NFASC: variants seen among roughly 807,000 people sequenced by gnomAD.
NFASC encodes neurofascin.
Under a neutral mutation model 147.5 loss-of-function variants are expected in NFASC, and 43 were observed. That is an observed-to-expected ratio of 0.29 (90% CI 0.23 to 0.38). NFASC has a LOEUF of 0.38. Ranked by LOEUF, NFASC falls within the 10% of genes least tolerant of loss-of-function variation. The probability of loss-of-function intolerance (pLI) is 1.00; values close to 1 mark genes in which losing one functional copy is unlikely to be tolerated. For synonymous variants in NFASC, 622 were observed against 665.5 expected (o/e 0.93, Z 1.01); for missense variants, 1,320 against 1,689.0 (o/e 0.78, Z 3.83).
intron 1 of NFASC, among the ~76,000 whole-genome samples, chr1:204,873,426 C>T (rs78017377): frequency 0.024 from 3,654 of 152,296 alleles, 69 homozygotes; most frequent in Non-Finnish European, 0.038. Context: ...GAGAATCCCC[C>T]AGGCTTAGAG....
intron 1 of NFASC, among the ~76,000 whole-genome samples, chr1:204,914,256 A>G (rs957948002): frequency 6.6e-6 from 1 of 152,180 alleles, no homozygotes; most frequent in Admixed American, 6.5e-5. Context: ...CTCATCTTGA[A>G]TTGTAGTTCC....
chr1:204,887,629 T>C (rs79237018), intron 1 of NFASC, among the ~76,000 whole-genome samples: 20,539 of 140,690 alleles, frequency 0.15, 2,631 homozygotes, highest in East Asian at 0.67. Flanking sequence ...GACAGGGTCT[T>C]ACTCTGTTGC....
chr1:204,952,545 T>G (rs2094184345), intron 5 of NFASC, among the ~76,000 whole-genome samples: 1 of 152,244 alleles, frequency 6.6e-6, no homozygotes, highest in African/African-American at 2.4e-5. Context: ...GTTGTGTGTG[T>G]GTCCGGGCTC....
At chr1:204,948,226 G>A (rs1362115559) in intron 3 of NFASC, among the ~76,000 whole-genome samples, 1 of 152,272 alleles carries the variant, frequency 6.6e-6, no homozygotes, top group Non-Finnish European at 1.5e-5. Flanking sequence ...CTCCATAGAA[G>A]GCGAGTGGTG....
chr1:204,894,000 G>T (rs2082913758), intron 1 of NFASC, among the ~76,000 whole-genome samples: 1 of 152,154 alleles, frequency 6.6e-6, no homozygotes, highest in African/African-American at 2.4e-5. Flanking sequence ...CAGATTTGGG[G>T]CAGGACTTCA....
chr1:204,858,101 G>A (rs938413931), intron 1 of NFASC, among the ~76,000 whole-genome samples: 6 of 151,246 alleles, frequency 4.0e-5, no homozygotes, highest in African/African-American at 1.5e-4. Flanking sequence ...TGTATTTTTA[G>A]TAGAGATGGG....
At position 204,911,075 on chromosome 1, in the gene NFASC, T is replaced by C. The variant is rs183418358; in HGVS notation, c.-199-9557T>C. ...AGTATAATGTTATCTGTCTATTTTC[T>C]AAACGTTTTTTAAAAAATCACACTG... On this transcript the variant is annotated intron_variant, in intron 1 of 29. Coordinates refer to ENST00000339876, the MANE Select transcript of NFASC (RefSeq NM_001005388.3). Among the ~76,000 whole-genome samples the C allele has an allele frequency of 9.5e-4, 144 of 152,346 alleles. 1 individual carries two copies. The highest frequency in any genetic ancestry group is 2.5e-3 in the African/African-American group (106 of 41,584).
intron 8 of NFASC, among the ~76,000 whole-genome samples, chr1:204,961,949 G>A (rs12740109): frequency 0.18 from 28,055 of 151,964 alleles, 2,956 homozygotes; most frequent in Non-Finnish European, 0.24. Flanking sequence ...TTCACTGAGC[G>A]TATTGCCTTT....
chr1:204,979,170 A>G lies in NFASC; in HGVS notation c.1978+101A>G. On this transcript the variant is annotated intron_variant, in intron 18 of 29. Transcript: ENST00000339876. This position sits in a 1 kb window ranked among gnomAD's most constrained non-coding sequence, Gnocchi z 6.0. The stretch of plus-strand genomic sequence containing the variant: ...TCCAGCCCCACTTCTGCCTCGCTTG[A>G]TGTGTGTCCTGGGCTAACCTCAGAA... 2 of 1,085,780 alleles carry G rather than the reference A, an allele frequency of 1.8e-6. No individual in the cohort carries two copies. Among genetic ancestry groups the G allele is most frequent in the Middle Eastern group, 2.0e-4 (1 of 4,976 alleles). 67.3% of individuals were successfully genotyped at this position (1,085,780 alleles called of 1,614,324 possible). A position where few individuals can be genotyped will look rare whatever the true frequency, so the allele number is the denominator to read the frequency against.
At chr1:204,837,757 A>G (rs1333358162) in intron 1 of NFASC, among the ~76,000 whole-genome samples, 2 of 152,108 alleles carry the variant, frequency 1.3e-5, no homozygotes, top group African/African-American at 4.8e-5. Context: ...CAACCAGCCA[A>G]GGGGATCTCG....
At chr1:204,959,216 T>G (rs1195963711) in intron 8 of NFASC, among the ~76,000 whole-genome samples, 1 of 152,182 alleles carries the variant, frequency 6.6e-6, no homozygotes, top group Admixed American at 6.5e-5. Flanking sequence ...CCTCCTGCCT[T>G]GCAGTGTCCC....
chr1:204,954,606 A>C lies in NFASC; in HGVS notation c.412+222A>C, dbSNP rs1358515849. On this transcript the variant is annotated intron_variant, in intron 6 of 29. Transcript: ENST00000339876. The surrounding 1 kb of genome is among the most constrained non-coding windows in gnomAD (Gnocchi z 5.7). ...AACAATTTCACTGGCCACTGCGGGC[A>C]CAGGAGACGGGAAAGGAGGGGAGCC... Among the ~76,000 whole-genome samples the C allele has an allele frequency of 6.6e-6, 1 of 152,188 alleles. No individual in the cohort carries two copies. Among genetic ancestry groups the C allele is most frequent in the Non-Finnish European group, 1.5e-5 (1 of 68,030 alleles).
At chr1:204,925,937 C>T (rs945597933) in intron 2 of NFASC, among the ~76,000 whole-genome samples, 1 of 152,096 alleles carries the variant, frequency 6.6e-6, no homozygotes. Flanking sequence ...CTGGTGGAGT[C>T]GCACAGATAT....
At chr1:204,885,186 T>G (rs1020059143) in intron 1 of NFASC, among the ~76,000 whole-genome samples, 4 of 152,044 alleles carry the variant, frequency 2.6e-5, no homozygotes, top group African/African-American at 7.2e-5. Context: ...GAGCCCAGGG[T>G]GGGAACAACT....
intron 1 of NFASC, among the ~76,000 whole-genome samples, chr1:204,846,974 T>TGTGTGTGTGTGTGTGTGTG (rs1403581484): frequency 3.3e-5 from 5 of 151,908 alleles, no homozygotes; most frequent in African/African-American, 1.2e-4. Flanking sequence ...TGTGTGTGTG[T>TGTGTGTGTGTGTGTGTGTG]GTGTGGTGTG....
In NFASC at chr1:204,968,154, C is replaced by T. The variant is rs530678027; in HGVS notation, c.707-95C>T. ...TTCAGCTGGGAGGATCCGGCAGGGG[C>T]GGTGATGCCACTTCTCTCTAGCCTG... On this transcript the variant is annotated intron_variant, in intron 8 of 29. Transcript: ENST00000339876. The surrounding 1 kb of genome is among the most constrained non-coding windows in gnomAD (Gnocchi z 5.4). 37 of 864,080 alleles carry T rather than the reference C, an allele frequency of 4.3e-5. No homozygotes were observed. The East Asian group carries it at 5.9e-4, about 14-fold the overall frequency. 53.5% of individuals were successfully genotyped at this position (864,080 alleles called of 1,614,324 possible).
intron 25 of NFASC, chr1:204,997,659 A>T (rs2095876197): frequency 1.7e-6 from 1 of 572,162 alleles, no homozygotes. Flanking sequence ...AGTACCCCAA[A>T]TTCTAGCTTC....
intron 2 of NFASC, among the ~76,000 whole-genome samples, chr1:204,938,654 G>A (rs2093087395): frequency 6.6e-6 from 1 of 152,172 alleles, no homozygotes; most frequent in Non-Finnish European, 1.5e-5. Context: ...CTTCTACCAG[G>A]CAGATCATTA....
intron 1 of NFASC, among the ~76,000 whole-genome samples, chr1:204,858,312 G>A (rs757539378): frequency 5.3e-5 from 8 of 152,088 alleles, no homozygotes; most frequent in Non-Finnish European, 1.2e-4. Context: ...TAAAGGTCCT[G>A]TCTCCAAATA....
Sources: gnomAD v4.1 joint callset for allele counts (sites outside exome capture counted in the v4.1 genomes callset) on GRCh38, gnomAD v4.1.1 for gene constraint, Gnocchi (gnomAD v3.1) non-coding constraint, MANE v1.5 for transcripts, NCBI Gene and HGNC (gene_info 2026-07-23, HGNC 2026-07-21) for gene names.